Variants in XKR9 observed in about 807,000 individuals in gnomAD.
XKR9 encodes the protein XK-related protein 9.
XKR9 carries 32 observed loss-of-function variants against 32.0 expected under a neutral mutation model. The ratio of observed to expected loss-of-function variants is 1.00; its 90% CI spans 0.76 to 1.34. The LOEUF is 1.34. Among genes scored for constraint, XKR9 ranks in the 40% most tolerant of loss-of-function variants. The pLI, the probability that XKR9 is intolerant of heterozygous loss-of-function variation, is 0.00. For missense variants in XKR9, 546 were observed against 429.7 expected (o/e 1.27, Z -2.39); for synonymous variants, 168 against 143.4 (o/e 1.17, Z -1.22).
the XKR9 span, among the ~76,000 whole-genome samples, chr8:70,884,131 G>A: frequency 6.6e-6 from 1 of 152,200 alleles, no homozygotes; most frequent in East Asian, 1.9e-4. Flanking sequence ...ATTTTGTAAG[G>A]TCATATGGTA....
chr8:70,689,957 T>G (rs934320704), intron 3 of XKR9, among the ~76,000 whole-genome samples: 2 of 152,174 alleles, frequency 1.3e-5, no homozygotes, highest in African/African-American at 4.8e-5. Flanking sequence ...AGAGTTTTCT[T>G]ACTTATAACT....
chr8:70,846,470 AC>A, the XKR9 span, among the ~76,000 whole-genome samples: 1 of 152,102 alleles, frequency 6.6e-6, no homozygotes, highest in Non-Finnish European at 1.5e-5. Context: ...AAAGAAAGGA[AC>A]AAAGATATAC....
intron 4 of XKR9, among the ~76,000 whole-genome samples, chr8:70,727,503 C>T (rs1021645247): frequency 4.6e-5 from 7 of 151,932 alleles, no homozygotes; most frequent in South Asian, 2.1e-4. Flanking sequence ...CGGATTCAGT[C>T]GATTCTTCTT....
intron 3 of XKR9, among the ~76,000 whole-genome samples, chr8:70,685,183 A>G (rs1819221583): frequency 6.6e-6 from 1 of 151,908 alleles, no homozygotes; most frequent in Non-Finnish European, 1.5e-5. Flanking sequence ...TGAAGAGTTC[A>G]TGTCCTTTGT....
chr8:70,829,082 T>C, the XKR9 span, among the ~76,000 whole-genome samples: 3 of 152,348 alleles, frequency 2.0e-5, no homozygotes, highest in East Asian at 5.8e-4. Flanking sequence ...TTGGCCTTTA[T>C]TGTCATATAG....
intron 2 of XKR9, among the ~76,000 whole-genome samples, chr8:70,751,253 C>T (rs1807136409): frequency 6.6e-6 from 1 of 152,164 alleles, no homozygotes; most frequent in Non-Finnish European, 1.5e-5. Context: ...CCTCAGCCTC[C>T]CAAGTAGCTG....
At chr8:70,811,534 A>T in the XKR9 span, among the ~76,000 whole-genome samples, 1 of 152,232 alleles carries the variant, frequency 6.6e-6, no homozygotes, top group East Asian at 1.9e-4. Flanking sequence ...CAAAATTGAT[A>T]GACTGGTAGC....
At chr8:70,888,046 T>A in the XKR9 span, among the ~76,000 whole-genome samples, 18 of 152,222 alleles carry the variant, frequency 1.2e-4, no homozygotes, top group East Asian at 3.5e-3. Context: ...TTCAGTATGA[T>A]ATTGGCCTCT....
downstream of XKR9, among the ~76,000 whole-genome samples, chr8:70,791,358 T>C (rs957411607): frequency 6.6e-5 from 10 of 151,994 alleles, no homozygotes; most frequent in African/African-American, 2.4e-4. Flanking sequence ...ATATTTTTCT[T>C]AGCAGTACAC....
the XKR9 span, among the ~76,000 whole-genome samples, chr8:70,801,600 A>AG: frequency 9.2e-5 from 14 of 152,096 alleles, no homozygotes; most frequent in African/African-American, 3.4e-4. Context: ...TTGGTTTTAG[A>AG]GTATGTTCCA....
chr8:70,810,595 A>G, the XKR9 span, among the ~76,000 whole-genome samples: 1 of 152,222 alleles, frequency 6.6e-6, no homozygotes, highest in Non-Finnish European at 1.5e-5. Context: ...ATGGAGGAAG[A>G]TCTACAAAGC....
At chr8:70,689,674 C>T (rs1819443526) in intron 3 of XKR9, among the ~76,000 whole-genome samples, 1 of 151,864 alleles carries the variant, frequency 6.6e-6, no homozygotes. Flanking sequence ...TGTGCAATGG[C>T]ATAGTACATA....
the XKR9 span, among the ~76,000 whole-genome samples, chr8:70,818,491 CACTT>C: frequency 6.6e-6 from 1 of 152,104 alleles, no homozygotes; most frequent in East Asian, 1.9e-4. Flanking sequence ...ATATAACTAA[CACTT>C]AAACTATGAC....
intron 3 of XKR9, among the ~76,000 whole-genome samples, chr8:70,692,604 G>A (rs553525272): frequency 1.3e-5 from 2 of 152,048 alleles, no homozygotes; most frequent in African/African-American, 4.8e-5. Context: ...TTGAGACAGA[G>A]TTTTGCTCTT....
chr8:70,782,459 T>C (rs1318663427), intron 2 of XKR9, among the ~76,000 whole-genome samples: 6 of 152,074 alleles, frequency 3.9e-5, no homozygotes, highest in Admixed American at 1.3e-4. Context: ...ACTCTAAAAC[T>C]GTATGCACTA....
At chr8:70,749,777 C>A (rs1807111987) in intron 2 of XKR9, among the ~76,000 whole-genome samples, 1 of 152,206 alleles carries the variant, frequency 6.6e-6, no homozygotes, top group Non-Finnish European at 1.5e-5. Context: ...CAGAGGGTTT[C>A]TGGCTGGTGA....
At chr8:70,742,093 A>C (rs1044383878) in intron 2 of XKR9, among the ~76,000 whole-genome samples, 5 of 151,964 alleles carry the variant, frequency 3.3e-5, no homozygotes, top group African/African-American at 1.2e-4. Flanking sequence ...TTGGCCATTC[A>C]TATATCTTCT....
intron 2 of XKR9, among the ~76,000 whole-genome samples, chr8:70,783,930 A>G (rs1046982366): frequency 1.3e-5 from 2 of 152,066 alleles, no homozygotes; most frequent in African/African-American, 4.8e-5. Context: ...TGGACATTCA[A>G]TTTTCCCGAC....
chr8:70,743,953 A>G (rs1242914547), intron 2 of XKR9, among the ~76,000 whole-genome samples: 1 of 152,026 alleles, frequency 6.6e-6, no homozygotes, highest in East Asian at 1.9e-4. Flanking sequence ...TCCAGAGTTC[A>G]TAGTGGTTAT....
Sources: gnomAD v4.1 joint callset for allele counts (sites outside exome capture counted in the v4.1 genomes callset) on GRCh38, gnomAD v4.1.1 for gene constraint, MANE v1.5 for transcripts, NCBI Gene and HGNC (gene_info 2026-07-23, HGNC 2026-07-21) for gene names.